The following CMYA5 variants were observed in gnomAD, a reference collection of about 807,000 sequenced individuals.
CMYA5 encodes cardiomyopathy associated 5, also known as cardiomyopathy-associated protein 5.
A neutral mutation model predicts 318.9 loss-of-function variants in CMYA5; 246 were observed. That is an observed-to-expected ratio of 0.77 (90% CI 0.70 to 0.86). CMYA5 has a LOEUF of 0.86. CMYA5 is among the 40% of genes least tolerant of loss of function. CMYA5 has a pLI of 0.00. For synonymous variants in CMYA5, 1,641 were observed against 1,729.5 expected, an observed-to-expected ratio of 0.95 and a Z score of 1.27; for missense variants, 4,589 against 4,678.2, an observed-to-expected ratio of 0.98 and a Z score of 0.56.
intron 1 of CMYA5, among the ~76,000 whole-genome samples, chr5:79,700,059 T>G (rs1827145415): frequency 1.3e-5 from 2 of 152,210 alleles, no homozygotes; most frequent in Non-Finnish European, 2.9e-5. Context: ...GAATCAGTGG[T>G]CTACTTTACC....
At chr5:79,720,550 C>A (rs1275681369) in intron 1 of CMYA5, among the ~76,000 whole-genome samples, 1 of 151,404 alleles carries the variant, frequency 6.6e-6, no homozygotes, top group African/African-American at 2.4e-5. Context: ...AATTCTCCTG[C>A]CTCAGCTTCC....
rs554943717 is a variant in CMYA5 at position 79,792,475 on chromosome 5, A to G, written c.11790-962A>G. Among the ~76,000 whole-genome samples, 12 of 152,324 alleles carry G rather than the reference A, an allele frequency of 7.9e-5. No individual in the cohort carries two copies. In the East Asian group the frequency reaches 1.5e-3, roughly 20 times the overall value. On this transcript the variant is annotated intron_variant, in intron 11 of 12. Transcript: ENST00000446378. ...TAATGTGTTTTATAGAATTTTATTT[A>G]TTATTAACCTGAAAATCAGGTCATA...
At chr5:79,770,346 G>C (rs1020379860) in intron 9 of CMYA5, among the ~76,000 whole-genome samples, 2 of 151,974 alleles carry the variant, frequency 1.3e-5, no homozygotes, top group African/African-American at 4.8e-5. Context: ...GAGCCACTGG[G>C]TTATGAAAAA....
At chr5:79,740,859 AT>A (rs148919782) in intron 2 of CMYA5, among the ~76,000 whole-genome samples, 1,809 of 152,082 alleles carry the variant, frequency 0.012, 39 homozygotes, top group African/African-American at 0.042. Context: ...GCCATGCACT[AT>A]TTTTTTGTTT....
At chr5:79,749,554 GC>G (rs1390438642) in intron 5 of CMYA5, among the ~76,000 whole-genome samples, 1 of 151,816 alleles carries the variant, frequency 6.6e-6, no homozygotes, top group East Asian at 1.9e-4. Context: ...GAACTGCATA[GC>G]CCAGAAATGT....
At chr5:79,696,826 C>A (rs550228664) in intron 1 of CMYA5, among the ~76,000 whole-genome samples, 1 of 151,900 alleles carries the variant, frequency 6.6e-6, no homozygotes, top group Non-Finnish European at 1.5e-5. Flanking sequence ...GCCAACATGG[C>A]GAAACCCCCG....
chr5:79,766,948 G>C (rs779390768), intron 9 of CMYA5, among the ~76,000 whole-genome samples: 3 of 152,084 alleles, frequency 2.0e-5, no homozygotes, highest in African/African-American at 7.2e-5. Context: ...GCTTTTTTTG[G>C]TTGGTAGGAT....
At chr5:79,755,765 T>G (rs1057038140) in intron 6 of CMYA5, among the ~76,000 whole-genome samples, 14 of 131,082 alleles carry the variant, frequency 1.1e-4, no homozygotes, top group African/African-American at 3.8e-4. Flanking sequence ...TAAAAGTATT[T>G]CCTGTTTCTG....
chr5:79,695,340 A>G (rs1160107235), intron 1 of CMYA5, among the ~76,000 whole-genome samples: 1 of 152,220 alleles, frequency 6.6e-6, no homozygotes, highest in Admixed American at 6.5e-5. Context: ...GAAAGAAACA[A>G]GTGACATGAA....
intron 5 of CMYA5, 133 bp from the exon 6 acceptor site, chr5:79,752,543 T>G (rs1436136601): frequency 1.8e-6 from 1 of 552,814 alleles, no homozygotes; most frequent in Non-Finnish European, 3.2e-6. Flanking sequence ...AAATCCTTTT[T>G]TGGATAGAGT....
chr5:79,749,486 A>G (rs897345144), intron 5 of CMYA5, among the ~76,000 whole-genome samples: 1 of 152,230 alleles, frequency 6.6e-6, no homozygotes, highest in Admixed American at 6.5e-5. Flanking sequence ...ATCTTTTTCA[A>G]TAAATATATT....
rs1827819229 is a variant in CMYA5, at chr5:79,729,264, G to C, written c.499G>C (p.Gly167Arg). Residue 167 changes from glycine (G) to arginine (R), a missense_variant, in exon 2 of 13, where the codon GGC becomes CGC. Physicochemically the swap from Gly to Arg is moderately radical, Grantham distance 125. This residue lies in a region of CMYA5 where 2,132 missense variants were observed against 2,131.3 expected (regional missense o/e 1.00). Transcript: ENST00000446378. The stretch of plus-strand genomic sequence containing the variant: ...CCAAGATGTTCCAACAAACAAAAAA[G>C]GCAGTCCTTTAACTTCAGCAAGCCA... ...ESQDVPTNKK[G>R]SPLTSASQVL... 1 of 1,611,306 alleles carries C rather than the reference G, an allele frequency of 6.2e-7. No individual in the cohort carries two copies. The highest frequency in any genetic ancestry group is 1.3e-5 in the African/African-American group (1 of 74,744).
chr5:79,747,068 C>T (rs757638096), intron 4 of CMYA5, 23 bp from the exon 5 acceptor site: 20 of 1,366,992 alleles, frequency 1.5e-5, no homozygotes, highest in Non-Finnish European at 1.9e-5. Context: ...TCTCCTCCTC[C>T]TTCCTCTCTC....
chr5:79,728,241 A>G (rs1827789389), intron 1 of CMYA5, among the ~76,000 whole-genome samples: 1 of 152,016 alleles, frequency 6.6e-6, no homozygotes. Flanking sequence ...ACAGGAATTT[A>G]CCTGTAGGGG....
At chr5:79,712,136 G>GCCCT (rs1827403834) in intron 1 of CMYA5, among the ~76,000 whole-genome samples, 1 of 152,186 alleles carries the variant, frequency 6.6e-6, no homozygotes, top group Admixed American at 6.5e-5. Context: ...TCCAGGGCTG[G>GCCCT]GATGTACTTC....
Position 79,731,125 on chromosome 5 carries a change from G to A in CMYA5, c.2360G>A (p.Gly787Glu). The change falls in exon 2 of 13, where the codon GGA becomes GAA. Residue 787 changes from glycine (G) to glutamate (E), a missense_variant. Coordinates refer to ENST00000446378, the MANE Select transcript of CMYA5 (RefSeq NM_153610.5). The part of the protein sequence containing the change: ...HVVPSEGEDL[G>E]SERFTPDSKL... ...GTCCCATCAGAAGGAGAGGACCTAG[G>A]AAGTGAACGTTTCACACCGGATTCA... 6.8e-6 allele frequency: 11 copies of A among 1,614,038 alleles called. No homozygotes were observed. The highest frequency in any genetic ancestry group is 9.3e-6 in the Non-Finnish European group (11 of 1,179,900).
chr5:79,774,153 G>A (rs547831014), intron 9 of CMYA5, among the ~76,000 whole-genome samples: 14 of 152,286 alleles, frequency 9.2e-5, no homozygotes, highest in African/African-American at 3.1e-4. Context: ...GTGCCCCCAA[G>A]TTACATGACG....
intron 9 of CMYA5, among the ~76,000 whole-genome samples, chr5:79,778,633 T>G (rs915804838): frequency 6.6e-6 from 1 of 151,856 alleles, no homozygotes; most frequent in Non-Finnish European, 1.5e-5. Context: ...AGAAGCTCTG[T>G]TTTTTTAAGG....
Position 79,776,566 on chromosome 5 carries a change from G to T in CMYA5, c.11556-12405G>T, listed in dbSNP as rs138708510. On this transcript the variant is annotated intron_variant, in intron 9 of 12. Coordinates refer to ENST00000446378, the MANE Select transcript of CMYA5 (RefSeq NM_153610.5). ...ACCTAAATGATCATAAAAATCAACCGGGATGCTTACTAAACACCTAGATTC... is the reference window on the plus strand; with the variant it reads ...ACCTAAATGATCATAAAAATCAACCTGGATGCTTACTAAACACCTAGATTC... Among the ~76,000 whole-genome samples, 57 of 151,814 alleles carry T rather than the reference G, an allele frequency of 3.8e-4. 1 individual carries two copies. The highest frequency in any genetic ancestry group is 1.3e-3 in the African/African-American group (52 of 41,384).
Sources: allele counts gnomAD v4.1 joint callset (sites outside exome capture counted in the v4.1 genomes callset), GRCh38; gene constraint gnomAD v4.1.1; regional missense constraint gnomAD v4.1.1; transcripts MANE v1.5; gene names NCBI Gene and HGNC (gene_info 2026-07-23, HGNC 2026-07-21).